RSF1: variants seen among roughly 807,000 people sequenced by gnomAD.
RSF1 encodes remodeling and spacing factor 1.
In RSF1, 13 loss-of-function variants were observed where a neutral mutation model predicts 145.2. That is an observed-to-expected ratio of 0.09 (90% CI 0.06 to 0.14). The LOEUF (loss-of-function observed/expected upper bound fraction) is 0.14, where lower values mean the gene tolerates loss of function less well. RSF1 is among the 10% of genes least tolerant of loss of function. The pLI, the probability that RSF1 is intolerant of heterozygous loss-of-function variation, is 1.00. For synonymous variants in RSF1, 577 were observed against 592.6 expected, an observed-to-expected ratio of 0.97 and a Z score of 0.38; for missense variants, 1,517 against 1,718.2, an observed-to-expected ratio of 0.88 and a Z score of 2.07.
chr11:77,768,913 T>C (rs1948253982), intron 1 of RSF1, among the ~76,000 whole-genome samples: 1 of 152,200 alleles, frequency 6.6e-6, no homozygotes, highest in Non-Finnish European at 1.5e-5. Context: ...CAGTAGCCAT[T>C]AGCCACATGT....
At chr11:77,811,435 T>C (rs1439194008) in intron 1 of RSF1, among the ~76,000 whole-genome samples, 2 of 152,222 alleles carry the variant, frequency 1.3e-5, no homozygotes, top group African/African-American at 2.4e-5. Context: ...AAAAGTGTTA[T>C]GAGTACTGTG....
chr11:77,803,106 C>G (rs1483211248), intron 1 of RSF1, among the ~76,000 whole-genome samples: 1 of 152,086 alleles, frequency 6.6e-6, no homozygotes, highest in Non-Finnish European at 1.5e-5. Flanking sequence ...CTTTATGCCA[C>G]GTAGTTTCAG....
intron 3 of RSF1, among the ~76,000 whole-genome samples, chr11:77,746,830 C>T (rs1055194979): frequency 6.6e-6 from 1 of 151,924 alleles, no homozygotes; most frequent in African/African-American, 2.4e-5. Context: ...TATTACTGTC[C>T]CTACAAGAAG....
chr11:77,684,515 CATT>C (rs1335459916), intron 10 of RSF1, among the ~76,000 whole-genome samples: 2 of 152,110 alleles, frequency 1.3e-5, no homozygotes, highest in African/African-American at 4.8e-5. Flanking sequence ...GCTAACAACA[CATT>C]ATAAAGTTCA....
chr11:77,677,034 AAT>A, intron 12 of RSF1, 35 bp from the exon 13 acceptor site: 2 of 1,512,872 alleles, frequency 1.3e-6, no homozygotes, highest in Non-Finnish European at 1.8e-6. Flanking sequence ...GGGAGAGAAA[AAT>A]ATGTGTTTAT....
At chr11:77,789,853 G>T (rs942906910) in intron 1 of RSF1, among the ~76,000 whole-genome samples, 2 of 152,210 alleles carry the variant, frequency 1.3e-5, no homozygotes, top group Non-Finnish European at 2.9e-5. Context: ...GCCCACCACT[G>T]TTGGTATGTG....
chr11:77,672,542 G>A (rs1353353273), intron 14 of RSF1, among the ~76,000 whole-genome samples: 2 of 150,678 alleles, frequency 1.3e-5, no homozygotes, highest in South Asian at 4.2e-4. Context: ...CTACCAAAGT[G>A]TTGAGATTAC....
chr11:77,827,599 T>C, the RSF1 span, among the ~76,000 whole-genome samples: 1 of 152,144 alleles, frequency 6.6e-6, no homozygotes, highest in African/African-American at 2.4e-5. Flanking sequence ...TTAAAAATAA[T>C]AAACTAGGAA....
At chr11:77,722,173 G>T (rs117922803) in intron 5 of RSF1, among the ~76,000 whole-genome samples, 15 of 152,240 alleles carry the variant, frequency 9.9e-5, no homozygotes, top group Non-Finnish European at 2.1e-4. Flanking sequence ...GAGTGAGACT[G>T]TCTCTAAAAT....
intron 1 of RSF1, among the ~76,000 whole-genome samples, chr11:77,796,126 T>C (rs911382749): frequency 9.9e-5 from 15 of 152,090 alleles, no homozygotes; most frequent in Admixed American, 2.0e-4. Flanking sequence ...TTCCAAAAAA[T>C]AGGAAAAGAG....
intron 1 of RSF1, among the ~76,000 whole-genome samples, chr11:77,770,248 G>A (rs1247814764): frequency 6.6e-6 from 1 of 152,148 alleles, no homozygotes; most frequent in African/African-American, 2.4e-5. Flanking sequence ...GGATCACGAG[G>A]TCAGGAGATC....
chr11:77,740,972 A>C, intron 3 of RSF1, 36 bp from the exon 4 acceptor site: 2 of 1,449,722 alleles, frequency 1.4e-6, no homozygotes, highest in Non-Finnish European at 1.9e-6. Context: ...AAAATACCTC[A>C]CAAATATTTC....
chr11:77,783,436 T>C (rs990652787), intron 1 of RSF1, among the ~76,000 whole-genome samples: 1 of 152,234 alleles, frequency 6.6e-6, no homozygotes, highest in Non-Finnish European at 1.5e-5. Context: ...GCTCATAACA[T>C]ATTCTCTGGT....
At chr11:77,864,225 C>A in the RSF1 span, among the ~76,000 whole-genome samples, 1 of 152,080 alleles carries the variant, frequency 6.6e-6, no homozygotes, top group Non-Finnish European at 1.5e-5. Context: ...CCGCTCCTGG[C>A]CAAGATGATC....
At position 77,714,272 on chromosome 11, in the gene RSF1, T is replaced by C. The variant is rs541855562; in HGVS notation, c.733+11273A>G. On this transcript the variant is annotated intron_variant, in intron 5 of 15. Transcript: ENST00000308488. ...GAGGCCCATAGTACCTGAGAATCTT[T>C]AAGACCTTTGTTGTAGATTTTGTCT... Among the ~76,000 whole-genome samples the C allele has an allele frequency of 1.5e-4, 23 of 152,324 alleles. No homozygotes were observed. The East Asian group carries it at 3.1e-3, about 20-fold the overall frequency.
At chr11:77,836,742 G>A in the RSF1 span, among the ~76,000 whole-genome samples, 1 of 152,238 alleles carries the variant, frequency 6.6e-6, no homozygotes, top group Non-Finnish European at 1.5e-5. Context: ...TAGGCGGGTG[G>A]ATCGCCTGAG....
chr11:77,800,649 G>A (rs1285921401), intron 1 of RSF1, among the ~76,000 whole-genome samples: 1 of 152,088 alleles, frequency 6.6e-6, no homozygotes, highest in East Asian at 1.9e-4. Context: ...GATCACTTGA[G>A]GTCAAGAGTA....
intron 9 of RSF1, among the ~76,000 whole-genome samples, chr11:77,689,498 A>G (rs1014591719): frequency 7.2e-5 from 11 of 152,274 alleles, no homozygotes; most frequent in African/African-American, 2.6e-4. Flanking sequence ...TATAATCTCA[A>G]TTTATCTTAC....
At chr11:77,725,441 A>G in intron 5 of RSF1, 104 bp downstream of exon 5, 3 of 1,006,294 alleles carry the variant, frequency 3.0e-6, no homozygotes, top group Middle Eastern at 3.1e-4. Context: ...AAGGCTCCCA[A>G]TTCAAATTGA....
Sources: allele counts gnomAD v4.1 joint callset (sites outside exome capture counted in the v4.1 genomes callset), GRCh38; gene constraint gnomAD v4.1.1; transcripts MANE v1.5; gene names NCBI Gene and HGNC (gene_info 2026-07-23, HGNC 2026-07-21).